Variants in PTPRG observed in about 807,000 individuals in gnomAD.
The protein encoded by PTPRG is receptor-type tyrosine-protein phosphatase gamma.
A neutral mutation model predicts 165.3 loss-of-function variants in PTPRG; 102 were observed. The observed-to-expected ratio is 0.62, with a 90% CI of 0.53 to 0.73. The LOEUF (loss-of-function observed/expected upper bound fraction) is 0.73, where lower values mean the gene tolerates loss of function less well. PTPRG is among the 30% of genes least tolerant of loss of function. PTPRG has a pLI of 0.00. For synonymous variants in PTPRG, 675 were observed against 669.5 expected (o/e 1.01, Z -0.13); for missense variants, 1,866 against 1,861.4 (o/e 1.00, Z -0.05).
intron 1 of PTPRG, among the ~76,000 whole-genome samples, chr3:61,674,329 A>G (rs1163500956): frequency 6.6e-6 from 1 of 151,864 alleles, no homozygotes; most frequent in African/African-American, 2.4e-5. Flanking sequence ...ACTGTTACCT[A>G]ATGTGTTTAA....
At chr3:61,826,783 G>A (rs1187178100) in intron 2 of PTPRG, among the ~76,000 whole-genome samples, 1 of 150,882 alleles carries the variant, frequency 6.6e-6, no homozygotes, top group East Asian at 1.9e-4. Flanking sequence ...TAGGTCTAGA[G>A]TCCATTAGAC....
At chr3:61,995,084 C>CTTTTTTTTTTTTTTTT (rs761499179) in intron 3 of PTPRG, among the ~76,000 whole-genome samples, 1 of 35,396 alleles carries the variant, frequency 2.8e-5, no homozygotes, top group African/African-American at 1.1e-4. Flanking sequence ...TTCTTTCTTT[C>CTTTTTTTTTTTTTTTT]TTTTTTTTTT....
chr3:62,293,366 G>A lies in PTPRG; in HGVS notation c.*59G>A. On this transcript the variant is annotated 3_prime_UTR_variant, in exon 30 of 30. Transcript: ENST00000474889. ...TTCTGAAGACTGAGAACTTTTTTGA[G>A]GCCTTTTTTGCCAGACTCTAGGTTA... 1 of 1,416,752 alleles carries A rather than the reference G, an allele frequency of 7.1e-7. No individual in the cohort carries two copies. The highest frequency in any genetic ancestry group is 9.3e-7 in the Non-Finnish European group (1 of 1,069,746). 87.8% of individuals were successfully genotyped at this position (1,416,752 alleles called of 1,614,324 possible).
intron 1 of PTPRG, among the ~76,000 whole-genome samples, chr3:61,599,985 C>T (rs533100770): frequency 4.0e-5 from 6 of 151,564 alleles, no homozygotes; most frequent in African/African-American, 1.5e-4. Context: ...TTGGCAAAAC[C>T]CCATCTCTAC....
At chr3:61,941,396 G>A (rs113729808) in intron 2 of PTPRG, among the ~76,000 whole-genome samples, 12,261 of 152,152 alleles carry the variant, frequency 0.081, 1,442 homozygotes, top group African/African-American at 0.26. Flanking sequence ...AGGCTGAGGC[G>A]GGCAGATCAT....
At chr3:61,680,980 TC>T (rs1703420780) in intron 1 of PTPRG, among the ~76,000 whole-genome samples, 1 of 68,214 alleles carries the variant, frequency 1.5e-5, no homozygotes, top group African/African-American at 4.1e-5. Context: ...GAATTTTTGT[TC>T]CTTTCCAAAA....
chr3:62,047,299 G>A (rs945812084), intron 4 of PTPRG, among the ~76,000 whole-genome samples: 47 of 141,072 alleles, frequency 3.3e-4, no homozygotes, highest in African/African-American at 1.2e-3. Flanking sequence ...TTGCTCTATC[G>A]CCCAGGCTGG....
intron 7 of PTPRG, among the ~76,000 whole-genome samples, chr3:62,161,146 G>A (rs981428375): frequency 2.0e-5 from 3 of 152,160 alleles, no homozygotes; most frequent in South Asian, 2.1e-4. Context: ...ATTAAATGGT[G>A]GAATATGTAT....
chr3:61,751,099 C>G (rs1361617467), intron 2 of PTPRG: 2 of 152,236 alleles, frequency 1.3e-5, no homozygotes, highest in South Asian at 2.1e-4. Context: ...TGCAACAGTT[C>G]TTCCTGACAA....
chr3:61,663,478 T>C (rs1018779499), intron 1 of PTPRG, among the ~76,000 whole-genome samples: 4 of 152,164 alleles, frequency 2.6e-5, no homozygotes, highest in African/African-American at 9.7e-5. Flanking sequence ...TTGGAGATAG[T>C]GTATTCAAAG....
At position 62,255,152 on chromosome 3, in the gene PTPRG, G is replaced by A; in HGVS notation, c.2496G>A (p.Gln832=). Reference sequence around the variant, plus strand: ...ACATGGAAGCCATTCCTGTCAAACAGTTTGTCAAACACATCGGTGAGCTCT... The same window carrying A: ...ACATGGAAGCCATTCCTGTCAAACAATTTGTCAAACACATCGGTGAGCTCT... ...PDDMEAIPVK[Q]FVKHIGELYS... Residue 832 remains glutamine, a synonymous_variant, in exon 16 of 30, where the codon CAG becomes CAA. Coordinates refer to ENST00000474889, the MANE Select transcript of PTPRG (RefSeq NM_002841.4). The surrounding 1 kb of genome is among the most constrained non-coding windows in gnomAD (Gnocchi z 4.0). 1 of 1,613,088 alleles carries A rather than the reference G, an allele frequency of 6.2e-7. No homozygotes were observed. The highest frequency in any genetic ancestry group is 8.5e-7 in the Non-Finnish European group (1 of 1,179,490).
At chr3:62,188,943 TC>T (rs534083394) in intron 8 of PTPRG, among the ~76,000 whole-genome samples, 3 of 152,122 alleles carry the variant, frequency 2.0e-5, no homozygotes, top group Admixed American at 6.5e-5. Context: ...TCCTGATCTT[TC>T]CCCCGCCTCC....
chr3:62,000,712 A>T (rs1021663616), intron 3 of PTPRG, among the ~76,000 whole-genome samples: 8 of 152,200 alleles, frequency 5.3e-5, no homozygotes, highest in Non-Finnish European at 1.0e-4. Context: ...TTATTGTGTG[A>T]GAAAGTGTTG....
chr3:61,708,225 A>G (rs754244499), intron 1 of PTPRG, among the ~76,000 whole-genome samples: 4 of 152,088 alleles, frequency 2.6e-5, no homozygotes, highest in Non-Finnish European at 5.9e-5. Flanking sequence ...CATTAAAAAA[A>G]TATTGAGTCA....
At chr3:61,896,966 T>A (rs990877585) in intron 2 of PTPRG, among the ~76,000 whole-genome samples, 3 of 152,000 alleles carry the variant, frequency 2.0e-5, no homozygotes, top group Non-Finnish European at 4.4e-5. Context: ...TAATATATTC[T>A]GAATACTAGT....
chr3:61,662,611 C>T (rs922654063), intron 1 of PTPRG, among the ~76,000 whole-genome samples: 9 of 152,160 alleles, frequency 5.9e-5, no homozygotes, highest in African/African-American at 2.2e-4. Context: ...TAATAGATCA[C>T]TAATGCACAA....
chr3:62,289,012 A>G (rs1702775202), intron 28 of PTPRG, among the ~76,000 whole-genome samples: 1 of 152,232 alleles, frequency 6.6e-6, no homozygotes, highest in South Asian at 2.1e-4. Context: ...GTTTAAGCCT[A>G]TAAATAAGCA....
rs1019640475 is a variant in PTPRG at position 62,168,280 on chromosome 3, C to G, written c.1033+117C>G. 64 of 997,506 alleles carry G rather than the reference C, an allele frequency of 6.4e-5. No individual in the cohort carries two copies. The Admixed American group carries it at 1.8e-3, about 28-fold the overall frequency. 61.8% of individuals were successfully genotyped at this position (997,506 alleles called of 1,614,324 possible). The stretch of plus-strand genomic sequence containing the variant: ...GACTTGGTGTTAAATGCATATGTTT[C>G]TCTGCTAAAGGGAGCCTGTCTGGCT... On this transcript the variant is annotated intron_variant, in intron 8 of 29. Transcript: ENST00000474889.
At chr3:62,016,628 C>G (rs1004243733) in intron 4 of PTPRG, among the ~76,000 whole-genome samples, 11 of 152,190 alleles carry the variant, frequency 7.2e-5, no homozygotes, top group Admixed American at 6.5e-4. Context: ...GTCTCTCTTG[C>G]CCTTCACAAT....
Sources: gnomAD v4.1 joint callset for allele counts (sites outside exome capture counted in the v4.1 genomes callset) on GRCh38, gnomAD v4.1.1 for gene constraint, Gnocchi (gnomAD v3.1) non-coding constraint, MANE v1.5 for transcripts, NCBI Gene and HGNC (gene_info 2026-07-23, HGNC 2026-07-21) for gene names.